ANKS1B: variants seen among roughly 807,000 people sequenced by gnomAD.
ANKS1B encodes the protein ankyrin repeat and sterile alpha motif domain-containing protein 1B.
In ANKS1B, 36 loss-of-function variants were observed where a neutral mutation model predicts 148.3. The observed-to-expected ratio is 0.24, with a 90% confidence interval of 0.19 to 0.32. ANKS1B has a LOEUF of 0.32. ANKS1B is among the 10% of genes least tolerant of loss of function. The pLI, the probability that ANKS1B is intolerant of heterozygous loss-of-function variation, is 1.00. For missense variants in ANKS1B, 1,157 were observed against 1,542.6 expected, an observed-to-expected ratio of 0.75 and a Z score of 4.19; for synonymous variants, 542 against 560.8, an observed-to-expected ratio of 0.97 and a Z score of 0.47.
chr12:99,410,436 G>A (rs192795257), intron 11 of ANKS1B, among the ~76,000 whole-genome samples: 3 of 152,258 alleles, frequency 2.0e-5, no homozygotes, highest in East Asian at 1.9e-4. Context: ...TTGGGAGGCC[G>A]AGGTGGGCGG....
intron 9 of ANKS1B, among the ~76,000 whole-genome samples, chr12:99,527,703 A>C (rs1466486838): frequency 6.6e-6 from 1 of 152,214 alleles, no homozygotes; most frequent in Non-Finnish European, 1.5e-5. Context: ...TTGCCTTGGC[A>C]AAGTCTTACA....
At chr12:99,488,522 T>A (rs2096524529) in intron 10 of ANKS1B, among the ~76,000 whole-genome samples, 1 of 152,224 alleles carries the variant, frequency 6.6e-6, no homozygotes, top group Admixed American at 6.5e-5. Flanking sequence ...TTAAGTACCT[T>A]TGTTTCTCTA....
At position 98,889,159 on chromosome 12, in the gene ANKS1B, T is replaced by C. The variant is rs76090511; in HGVS notation, c.2779-57023A>G. On this transcript the variant is annotated intron_variant, in intron 17 of 26. Transcript: ENST00000683438. ...CTCACAAAGTCTACTGGACCCATAA[T>C]GAGTTAAACTTCTGTATATCTGCAA... Among the ~76,000 whole-genome samples the C allele has an allele frequency of 2.3e-3, 357 of 152,318 alleles. 1 individual carries two copies. Among genetic ancestry groups the C allele is most frequent in the Non-Finnish European group, 4.5e-3 (307 of 68,016 alleles).
At chr12:99,699,745 A>C (rs1014114306) in intron 8 of ANKS1B, among the ~76,000 whole-genome samples, 2 of 152,196 alleles carry the variant, frequency 1.3e-5, no homozygotes, top group Non-Finnish European at 2.9e-5. Context: ...TAGAAGAGTA[A>C]AATGAATTTT....
intron 25 of ANKS1B, among the ~76,000 whole-genome samples, chr12:98,759,133 C>T (rs186440187): frequency 6.6e-6 from 1 of 152,170 alleles, no homozygotes; most frequent in Admixed American, 6.6e-5. Flanking sequence ...GCTTAAGGAA[C>T]CACTGTATCA....
chr12:98,904,476 A>T (rs2099776293), intron 17 of ANKS1B, among the ~76,000 whole-genome samples: 1 of 152,276 alleles, frequency 6.6e-6, no homozygotes, highest in Non-Finnish European at 1.5e-5. Context: ...AGAAATAATC[A>T]TGAACAGAAT....
At position 98,856,052 on chromosome 12, in the gene ANKS1B, C is replaced by G. The variant is rs192414113; in HGVS notation, c.2779-23916G>C. 2.4e-3 allele frequency among the ~76,000 whole-genome samples: 366 copies of G among 152,320 alleles called. 1 individual carries two copies. The highest frequency in any genetic ancestry group is 4.8e-3 in the Non-Finnish European group (326 of 68,032). The stretch of plus-strand genomic sequence containing the variant: ...CTTTTCTGGTCCTTGATTTTCTTAT[C>G]TGAATCATGGGGTGTCCATTGTTTA... On this transcript the variant is annotated intron_variant, in intron 17 of 26. Transcript: ENST00000683438.
intron 12 of ANKS1B, among the ~76,000 whole-genome samples, chr12:99,369,750 A>AT (rs2092989330): frequency 8.4e-6 from 1 of 119,310 alleles, no homozygotes; most frequent in African/African-American, 3.4e-5. Flanking sequence ...GGATAGAAAG[A>AT]TAGATAGATA....
chr12:99,262,193 T>G (rs1469179193), intron 12 of ANKS1B, among the ~76,000 whole-genome samples: 1 of 152,124 alleles, frequency 6.6e-6, no homozygotes, highest in African/African-American at 2.4e-5. Context: ...CCACTAATTC[T>G]TATTCCCTTC....
chr12:99,521,657 AC>A (rs770491480), intron 9 of ANKS1B, among the ~76,000 whole-genome samples: 1 of 152,164 alleles, frequency 6.6e-6, no homozygotes, highest in Non-Finnish European at 1.5e-5. Context: ...TCTCTTGATT[AC>A]CAGGCAGAGA....
chr12:99,717,898 TC>T (rs2057553170), intron 8 of ANKS1B, among the ~76,000 whole-genome samples: 2 of 138,466 alleles, frequency 1.4e-5, no homozygotes, highest in South Asian at 2.5e-4. Context: ...TAGACAATAC[TC>T]TTTTTTTTTT....
chr12:99,140,326 C>T (rs1377712069), intron 15 of ANKS1B, among the ~76,000 whole-genome samples: 1 of 152,130 alleles, frequency 6.6e-6, no homozygotes, highest in South Asian at 2.1e-4. Context: ...TTCCAAAGTC[C>T]TTTAAAGTTA....
chr12:99,105,659 C>T (rs1164016443), intron 15 of ANKS1B, among the ~76,000 whole-genome samples: 1 of 149,222 alleles, frequency 6.7e-6, no homozygotes, highest in Admixed American at 6.7e-5. Context: ...GTCCCAGCTA[C>T]TCGGTAGGCT....
intron 17 of ANKS1B, among the ~76,000 whole-genome samples, chr12:98,950,589 C>T (rs2099852617): frequency 6.6e-6 from 1 of 152,118 alleles, no homozygotes; most frequent in Non-Finnish European, 1.5e-5. Flanking sequence ...GTTTATTTCT[C>T]ATCAAAATGA....
At chr12:99,197,352 T>C (rs2081510825) in intron 14 of ANKS1B, among the ~76,000 whole-genome samples, 1 of 152,192 alleles carries the variant, frequency 6.6e-6, no homozygotes, top group Non-Finnish European at 1.5e-5. Flanking sequence ...TTGCCTCATC[T>C]TTCGCCATTC....
intron 8 of ANKS1B, among the ~76,000 whole-genome samples, chr12:99,744,945 T>TAC (rs1567763803): frequency 2.8e-5 from 4 of 141,788 alleles, no homozygotes; most frequent in Admixed American, 1.5e-4. Flanking sequence ...TGAGCCAAGA[T>TAC]TGCGCCACTG....
chr12:99,366,452 T>A (rs1315467772), intron 12 of ANKS1B, among the ~76,000 whole-genome samples: 2 of 152,168 alleles, frequency 1.3e-5, no homozygotes, highest in African/African-American at 4.8e-5. Flanking sequence ...TATATCCCTG[T>A]GTTGTAAACC....
intron 14 of ANKS1B, among the ~76,000 whole-genome samples, chr12:99,190,192 A>G (rs2080462114): frequency 6.6e-6 from 1 of 152,040 alleles, no homozygotes; most frequent in South Asian, 2.1e-4. Context: ...AATAAGAGAG[A>G]ACACAAACAA....
At chr12:99,954,389 A>G (rs1462440585) in intron 1 of ANKS1B, among the ~76,000 whole-genome samples, 22 of 152,106 alleles carry the variant, frequency 1.4e-4, no homozygotes, top group Admixed American at 1.4e-3. Context: ...AACTATATCA[A>G]CTCCAATCTC....
Sources: gnomAD v4.1 joint callset for allele counts (sites outside exome capture counted in the v4.1 genomes callset) on GRCh38, gnomAD v4.1.1 for gene constraint, MANE v1.5 for transcripts, NCBI Gene and HGNC (gene_info 2026-07-23, HGNC 2026-07-21) for gene names.